Variants in TMEM41B observed in about 807,000 individuals in gnomAD.
TMEM41B encodes transmembrane protein 41B.
Under a neutral mutation model 31.9 loss-of-function variants are expected in TMEM41B, and 18 were observed. The ratio of observed to expected loss-of-function variants is 0.56; its 90% CI spans 0.39 to 0.84. TMEM41B has a LOEUF of 0.84. TMEM41B is among the 40% of genes least tolerant of loss of function. TMEM41B has a pLI of 0.00. For missense variants in TMEM41B, 322 were observed against 348.0 expected, an observed-to-expected ratio of 0.93 and a Z score of 0.59; for synonymous variants, 144 against 124.3, an observed-to-expected ratio of 1.16 and a Z score of -1.05.
intron 1 of TMEM41B, among the ~76,000 whole-genome samples, chr11:9,310,390 A>AC (rs1564969361): frequency 2.4e-5 from 3 of 123,108 alleles, no homozygotes; most frequent in South Asian, 5.0e-4. Context: ...GAAAGATTAA[A>AC]CAAAAAAAAA....
At chr11:9,286,616 T>G (rs765090105) in intron 5 of TMEM41B, 23 bp from the exon 6 acceptor site, 1 of 1,580,386 alleles carries the variant, frequency 6.3e-7, no homozygotes, top group Non-Finnish European at 8.6e-7. Context: ...AGAAAAGAAT[T>G]AGCATCAGAT....
At chr11:9,314,274 A>T in intron 1 of TMEM41B, 47 bp downstream of exon 1, 1 of 1,531,724 alleles carries the variant, frequency 6.5e-7, no homozygotes, top group Non-Finnish European at 8.7e-7. Flanking sequence ...CACCCGACAC[A>T]CAGAAGCCTC....
chr11:9,292,581 T>C (rs1311302991), intron 3 of TMEM41B, among the ~76,000 whole-genome samples: 3 of 152,080 alleles, frequency 2.0e-5, no homozygotes, highest in Non-Finnish European at 4.4e-5. Flanking sequence ...TCCCAGCACC[T>C]TGGGAGGCTG....
intron 1 of TMEM41B, among the ~76,000 whole-genome samples, chr11:9,309,965 A>C (rs1853515494): frequency 6.6e-6 from 1 of 151,666 alleles, no homozygotes; most frequent in Non-Finnish European, 1.5e-5. Context: ...TGTTTTCTAG[A>C]AGCAATAAAA....
chr11:9,293,959 C>G (rs887729468), intron 3 of TMEM41B, among the ~76,000 whole-genome samples: 2 of 152,010 alleles, frequency 1.3e-5, no homozygotes, highest in Non-Finnish European at 2.9e-5. Flanking sequence ...AATCCCAGCA[C>G]TTTGGGAGGC....
chr11:9,295,522 T>C (rs1853064150), intron 2 of TMEM41B, 135 bp from the exon 3 acceptor site: 3 of 598,878 alleles, frequency 5.0e-6, no homozygotes, highest in Non-Finnish European at 8.7e-6. Context: ...ATGTTTAAGT[T>C]TAAAAGTTTA....
Position 9,295,134 on chromosome 11 carries a change from A to G in TMEM41B, c.368+125T>C, listed in dbSNP as rs561451044. 15 of 1,108,578 alleles carry G rather than the reference A, an allele frequency of 1.4e-5. No individual in the cohort carries two copies. The East Asian group carries it at 2.2e-4, about 16-fold the overall frequency. The allele number at this position is 1,108,578 out of a possible 1,614,324, so 68.7% of individuals were successfully genotyped here. ...TTTTTTCCATTTTAATTTTTCAATTATTTAATATTGTCACACTGCAATAAC... is the reference window on the plus strand; with the variant it reads ...TTTTTTCCATTTTAATTTTTCAATTGTTTAATATTGTCACACTGCAATAAC... On this transcript the variant is annotated intron_variant, in intron 3 of 6. Transcript: ENST00000528080.
chr11:9,291,558 C>T (rs61875674), intron 3 of TMEM41B, among the ~76,000 whole-genome samples: 4 of 150,918 alleles, frequency 2.7e-5, no homozygotes, highest in East Asian at 2.0e-4. Flanking sequence ...TGTGCCATCG[C>T]GCCCAGCTAA....
chr11:9,300,620 TG>T (rs1304313499), intron 1 of TMEM41B, among the ~76,000 whole-genome samples: 1 of 152,176 alleles, frequency 6.6e-6, no homozygotes, highest in African/African-American at 2.4e-5. Context: ...GGCTCACGCC[TG>T]TAATCCCAGC....
In TMEM41B at chr11:9,313,407, G is replaced by A. The variant is rs560367322; in HGVS notation, c.121+914C>T. ...GTGGAACACACCTATGTGAGCTACAGACAAACTTGTTAGGATCACTTTAAG... is the reference window on the plus strand; with the variant it reads ...GTGGAACACACCTATGTGAGCTACAAACAAACTTGTTAGGATCACTTTAAG... On this transcript the variant is annotated intron_variant, in intron 1 of 6. Coordinates refer to ENST00000528080, the MANE Select transcript of TMEM41B (RefSeq NM_015012.4). Among the ~76,000 whole-genome samples the A allele has an allele frequency of 4.6e-5, 7 of 152,314 alleles. No individual in the cohort carries two copies. The East Asian group carries it at 1.2e-3, about 25-fold the overall frequency.
chr11:9,292,811 T>C (rs11601340), intron 3 of TMEM41B, among the ~76,000 whole-genome samples: 8,964 of 151,754 alleles, frequency 0.059, 360 homozygotes, highest in South Asian at 0.1. Context: ...GATAATACTA[T>C]TCTTAATTTT....
intron 5 of TMEM41B, among the ~76,000 whole-genome samples, chr11:9,286,959 C>G (rs182324685): frequency 1.4e-4 from 21 of 150,932 alleles, no homozygotes; most frequent in Admixed American, 2.7e-4. Flanking sequence ...AAGATCACGC[C>G]ACTGCACTTC....
intron 1 of TMEM41B, among the ~76,000 whole-genome samples, chr11:9,304,160 G>T (rs1028039017): frequency 1.3e-5 from 2 of 152,120 alleles, no homozygotes; most frequent in East Asian, 3.8e-4. Flanking sequence ...ACCCACAGAC[G>T]TATTGATATG....
chr11:9,292,662 C>T (rs371526930), intron 3 of TMEM41B, among the ~76,000 whole-genome samples: 19 of 151,992 alleles, frequency 1.3e-4, no homozygotes, highest in East Asian at 7.8e-4. Flanking sequence ...GAAATCCCAT[C>T]GCTACAAAAA....
At chr11:9,304,719 G>A (rs1010378741) in intron 1 of TMEM41B, among the ~76,000 whole-genome samples, 11 of 151,866 alleles carry the variant, frequency 7.2e-5, no homozygotes, top group East Asian at 3.9e-4. Flanking sequence ...GTGCAGTGGC[G>A]TGATCCTGGC....
chr11:9,286,333 G>A (rs1406799946), intron 6 of TMEM41B, 122 bp downstream of exon 6: 12 of 1,007,768 alleles, frequency 1.2e-5, no homozygotes, highest in South Asian at 2.0e-5. Flanking sequence ...CAGGCTTTGT[G>A]CCCAAGAATT....
chr11:9,285,288 T>C (rs1320827716), intron 6 of TMEM41B, among the ~76,000 whole-genome samples: 1 of 152,172 alleles, frequency 6.6e-6, no homozygotes, highest in Non-Finnish European at 1.5e-5. Flanking sequence ...TTTTACCATA[T>C]TGGCCAGGCT....
At position 9,283,396 on chromosome 11, in the gene TMEM41B, A is replaced by C. The variant is rs201650094; in HGVS notation, c.*28T>G. On this transcript the variant is annotated 3_prime_UTR_variant, in exon 7 of 7. Transcript: ENST00000528080. The stretch of plus-strand genomic sequence containing the variant: ...CTGTTAATCCTGAGATGGTGATGAC[A>C]GCAAAACTAAAAATCAGATGATTAT... 2.2e-5 allele frequency: 35 copies of C among 1,582,130 alleles called. 1 individual carries two copies. In the South Asian group the frequency reaches 4.0e-4, roughly 18 times the overall value.
Position 9,288,516 on chromosome 11 carries a change from G to T in TMEM41B, c.388C>A (p.Pro130Thr). The change falls in exon 4 of 7, where the codon CCA becomes ACA. Residue 130 changes from proline (P) to threonine (T), a missense_variant. Pro to Thr is a conservative substitution (Grantham distance 38, BLOSUM62 -1). Around this residue, in one of 3 missense-constraint regions of TMEM41B, gnomAD observed 183 missense variants for 175.3 expected, o/e 1.04. Transcript: ENST00000528080. ...AGTATACTGAGAAATATAGAGCCTGGAATAGCAAATGTTTGCAAGCTGGTA... is the reference window on the plus strand; with the variant it reads ...AGTATACTGAGAAATATAGAGCCTGTAATAGCAAATGTTTGCAAGCTGGTA... ...TYIFLQTFAI[P>T]GSIFLSILSG... The T allele has an allele frequency of 6.3e-7, 1 of 1,582,280 alleles. No homozygotes were observed. The highest frequency in any genetic ancestry group is 8.6e-7 in the Non-Finnish European group (1 of 1,167,060).
Sources: allele counts gnomAD v4.1 joint callset (sites outside exome capture counted in the v4.1 genomes callset), GRCh38; gene constraint gnomAD v4.1.1; regional missense constraint gnomAD v4.1.1; transcripts MANE v1.5; gene names NCBI Gene and HGNC (gene_info 2026-07-23, HGNC 2026-07-21).